DHX37: variants seen among roughly 807,000 people sequenced by gnomAD.
DHX37 encodes the protein probable ATP-dependent RNA helicase DHX37.
DHX37 carries 52 observed loss-of-function variants against 134.3 expected under a neutral mutation model. That is an observed-to-expected ratio of 0.39 (90% CI 0.31 to 0.49). The LOEUF is 0.49. Among genes scored for constraint, DHX37 ranks in the 20% least tolerant of loss-of-function variants. The pLI is 0.93. For missense variants in DHX37, 1,344 were observed against 1,580.8 expected (o/e 0.85, Z 2.54); for synonymous variants, 634 against 670.7 (o/e 0.95, Z 0.85).
At position 124,980,762 on chromosome 12, in the gene DHX37, AGCGGCGAC is replaced by A; in HGVS notation, c.458_465del (p.Arg153LeufsTer5). 6.4e-7 allele frequency: 1 copy of A among 1,557,160 alleles called. No homozygotes were observed. The highest frequency in any genetic ancestry group is 8.7e-7 in the Non-Finnish European group (1 of 1,153,108). On this transcript the variant is annotated frameshift_variant, in exon 4 of 27. Transcript: ENST00000308736. LOFTEE classifies it high-confidence loss of function. This position sits in a 1 kb window ranked among gnomAD's most constrained non-coding sequence, Gnocchi z 5.3. ...TCCTCCTCCTCCTCAGCTGAGGGCCAGCGGCGACGCTTCCGGTGGGCACCGCTGAGGCT... is the reference window on the plus strand; with the variant it reads ...TCCTCCTCCTCCTCAGCTGAGGGCCAGCTTCCGGTGGGCACCGCTGAGGCT...
At chr12:124,975,276 A>G (rs575499488) in intron 6 of DHX37, 143 bp downstream of exon 6, 62 of 828,360 alleles carry the variant, frequency 7.5e-5, no homozygotes, top group Non-Finnish European at 1.1e-4. Context: ...CTCTCACACA[A>G]TGATTCCCAG....
At chr12:124,961,804 T>G (rs1954271448) in intron 15 of DHX37, among the ~76,000 whole-genome samples, 1 of 152,080 alleles carries the variant, frequency 6.6e-6, no homozygotes, top group Non-Finnish European at 1.5e-5. Flanking sequence ...AATAGGCAGT[T>G]CCCTAGAAAG....
At position 124,950,681 on chromosome 12, in the gene DHX37, C is replaced by T. The variant is rs773646108; in HGVS notation, c.2983+9G>A. The T allele has an allele frequency of 6.2e-7, 1 of 1,612,220 alleles. No homozygotes were observed. The highest frequency in any genetic ancestry group is 2.2e-5 in the East Asian group (1 of 44,858). The stretch of plus-strand genomic sequence containing the variant: ...CGGGGGACAAGGGGCTGTCCGCAGG[C>T]CTCGGCACCTTTCATGTACATCTTA... On this transcript the variant is annotated intron_variant, in intron 22 of 26. Coordinates refer to ENST00000308736, the MANE Select transcript of DHX37 (RefSeq NM_032656.4).
At chr12:124,979,863 G>A (rs1014534373) in intron 4 of DHX37, among the ~76,000 whole-genome samples, 5 of 152,178 alleles carry the variant, frequency 3.3e-5, no homozygotes, top group Admixed American at 6.5e-5. Context: ...TTGCTAGAGC[G>A]GTCAGCTTAC....
At chr12:124,976,951 G>A (rs1209325233) in intron 5 of DHX37, among the ~76,000 whole-genome samples, 1 of 151,326 alleles carries the variant, frequency 6.6e-6, no homozygotes, top group African/African-American at 2.4e-5. Flanking sequence ...GGAGGCTGAG[G>A]CAGGAGAATC....
chr12:124,982,147 C>T (rs1371603428), intron 3 of DHX37, among the ~76,000 whole-genome samples: 3 of 150,994 alleles, frequency 2.0e-5, no homozygotes, highest in East Asian at 1.9e-4. Flanking sequence ...AAAAAAAACA[C>T]GACACAAACC....
At chr12:124,967,013 G>A (rs748927429) in intron 11 of DHX37, 110 bp downstream of exon 11, 409 of 1,530,304 alleles carry the variant, frequency 2.7e-4, no homozygotes, top group Non-Finnish European at 3.5e-4. Context: ...TGGCAAAGGT[G>A]CTGATGCTTC....
chr12:124,966,793 CT>C lies in DHX37; in HGVS notation c.1589del (p.Glu530GlyfsTer179). 1 of 1,614,252 alleles carries C rather than the reference CT, an allele frequency of 6.2e-7. No homozygotes were observed. Among genetic ancestry groups the C allele is most frequent in the Non-Finnish European group, 8.5e-7 (1 of 1,180,032 alleles). On this transcript the variant is annotated frameshift_variant and splice_region_variant, in exon 12 of 27. Transcript: ENST00000308736. LOFTEE classifies it high-confidence loss of function. ...SRARAKKARA[E>X]VLPQINLDHY... ...GAGTCCCTGCCAGCCCCCCACGTAC[CT>C]CAGCCCGCGCCTTCTTGGCCCTGGC...
At chr12:124,966,666 G>A (rs1005625729) in intron 12 of DHX37, 127 bp downstream of exon 12, 6 of 1,005,578 alleles carry the variant, frequency 6.0e-6, no homozygotes, top group Admixed American at 2.3e-5. Context: ...GCCTGACCAG[G>A]AACTGGATTT....
chr12:124,982,736 G>T lies in DHX37; in HGVS notation c.277-113C>A, dbSNP rs556569669. On this transcript the variant is annotated intron_variant, in intron 2 of 26. Transcript: ENST00000308736. ...ATTAACACCTGGAGTCTTTAAAATCGGCGGTCAAATTGCAATTCTACTGGT... is the reference window on the plus strand; with the variant it reads ...ATTAACACCTGGAGTCTTTAAAATCTGCGGTCAAATTGCAATTCTACTGGT... 2.7e-5 allele frequency: 39 copies of T among 1,439,038 alleles called. No homozygotes were observed. The Middle Eastern group carries it at 1.6e-3, about 60-fold the overall frequency. The allele number at this position is 1,439,038 out of a possible 1,614,324, so 89.1% of individuals were successfully genotyped here.
At chr12:124,951,682 G>A (rs1953980072) in intron 21 of DHX37, among the ~76,000 whole-genome samples, 1 of 152,174 alleles carries the variant, frequency 6.6e-6, no homozygotes, top group African/African-American at 2.4e-5. Context: ...CTAGAGGCCA[G>A]GAGTTCAAGA....
At chr12:124,959,710 T>C (rs192266282) in intron 16 of DHX37, among the ~76,000 whole-genome samples, 1 of 152,336 alleles carries the variant, frequency 6.6e-6, no homozygotes, top group East Asian at 1.9e-4. Flanking sequence ...ATCTCAAGTA[T>C]CTGAAGTTTT....
Position 124,970,146 on chromosome 12 carries a change from G to A in DHX37, c.1191+1156C>T, listed in dbSNP as rs565972329. On this transcript the variant is annotated intron_variant, in intron 8 of 26. Coordinates refer to ENST00000308736, the MANE Select transcript of DHX37 (RefSeq NM_032656.4). ...CGCCACCAGGCCTGGCTAATTTTTCGTTTTTTTAGTAGAGACAGGGTTTCA... is the reference window on the plus strand; with the variant it reads ...CGCCACCAGGCCTGGCTAATTTTTCATTTTTTTAGTAGAGACAGGGTTTCA... 2.3e-4 allele frequency among the ~76,000 whole-genome samples: 35 copies of A among 152,112 alleles called. No homozygotes were observed. The East Asian group carries it at 3.9e-3, about 17-fold the overall frequency.
chr12:124,965,193 CTCT>C (rs1358888942), intron 13 of DHX37, among the ~76,000 whole-genome samples, 187 bp from the exon 14 acceptor site: 2 of 152,236 alleles, frequency 1.3e-5, no homozygotes, highest in Non-Finnish European at 2.9e-5. Flanking sequence ...CCCAGGGGCT[CTCT>C]TGTCTCTGCT....
rs375520939 is a variant in DHX37 at position 124,950,449 on chromosome 12, G to T, written c.3085C>A (p.Arg1029=). 1.9e-6 allele frequency: 3 copies of T among 1,591,164 alleles called. No individual in the cohort carries two copies. The Admixed American group carries it at 5.2e-5, about 28-fold the overall frequency. Residue 1029 remains arginine, a synonymous_variant, in exon 23 of 27, where the codon CGG becomes AGG. Coordinates refer to ENST00000308736, the MANE Select transcript of DHX37 (RefSeq NM_032656.4). ...EEPAPTYCPE[R]GRVLCHRASV... is the part of the protein sequence containing the mutation. ...GCCCGGTGACACAGCACCCGCCCCC[G>T]CTCGGGGCAGTATGTAGGGGCTGGT...
In DHX37 at chr12:124,949,626, A is replaced by G. The variant is rs1953934651; in HGVS notation, c.3290+360T>C. Among the ~76,000 whole-genome samples the G allele has an allele frequency of 6.6e-6, 1 of 152,180 alleles. No homozygotes were observed. The highest frequency in any genetic ancestry group is 2.1e-4 in the South Asian group (1 of 4,830). On this transcript the variant is annotated intron_variant, in intron 25 of 26. Transcript: ENST00000308736. This position sits in a 1 kb window ranked among gnomAD's most constrained non-coding sequence, Gnocchi z 4.0. Reference sequence around the variant, plus strand: ...TTATATGGAAAGAGGGTCACTGCAAATGTCATGAGTTAAGGAGAGGTCATC... The same window carrying G: ...TTATATGGAAAGAGGGTCACTGCAAGTGTCATGAGTTAAGGAGAGGTCATC...
Position 124,965,662 on chromosome 12 carries a change from C to G in DHX37, c.1735+6G>C. 1 of 1,602,262 alleles carries G rather than the reference C, an allele frequency of 6.2e-7. No homozygotes were observed. The highest frequency in any genetic ancestry group is 8.5e-7 in the Non-Finnish European group (1 of 1,173,296). ...ACATGAGCAGGAATCGGTGCTCGGG[C>G]CACACCTCCATCTTGCCCGCCATCC... On this transcript the variant is annotated splice_donor_region_variant and intron_variant, in intron 13 of 26. Coordinates refer to ENST00000308736, the MANE Select transcript of DHX37 (RefSeq NM_032656.4).
rs867666417 is a variant in DHX37, at chr12:124,949,263, C to T, written c.3290+723G>A. On this transcript the variant is annotated intron_variant, in intron 25 of 26. Transcript: ENST00000308736. The surrounding 1 kb of genome is among the most constrained non-coding windows in gnomAD (Gnocchi z 4.0). Reference sequence around the variant, plus strand: ...GCCCAGCAGCGGGTGCTGTGCCCCACGCCCCATCTCGAGTCCCTGGCACCT... The same window carrying T: ...GCCCAGCAGCGGGTGCTGTGCCCCATGCCCCATCTCGAGTCCCTGGCACCT... Among the ~76,000 whole-genome samples, 16 of 152,320 alleles carry T rather than the reference C, an allele frequency of 1.1e-4. No homozygotes were observed. The highest frequency in any genetic ancestry group is 3.4e-3 in the Middle Eastern group (1 of 294).
chr12:124,968,854 G>A lies in DHX37; in HGVS notation c.1293+13C>T, dbSNP rs1954454473. 1 of 1,613,678 alleles carries A rather than the reference G, an allele frequency of 6.2e-7. No homozygotes were observed. The highest frequency in any genetic ancestry group is 1.3e-5 in the African/African-American group (1 of 74,932). The stretch of plus-strand genomic sequence containing the variant: ...CCATCCAAGCTCACAGAGGACATGG[G>A]ACCCTGTGTTACCTTGATGACCGGC... On this transcript the variant is annotated intron_variant, in intron 9 of 26. Coordinates refer to ENST00000308736, the MANE Select transcript of DHX37 (RefSeq NM_032656.4).
Sources: allele counts gnomAD v4.1 joint callset (sites outside exome capture counted in the v4.1 genomes callset), GRCh38; gene constraint gnomAD v4.1.1; non-coding constraint Gnocchi (gnomAD v3.1); transcripts MANE v1.5; gene names NCBI Gene and HGNC (gene_info 2026-07-23, HGNC 2026-07-21).